HDAC4: variants seen among roughly 807,000 people sequenced by gnomAD.
HDAC4 encodes the protein histone deacetylase A.
In HDAC4, 16 loss-of-function variants were observed where a neutral mutation model predicts 135.1. The ratio of observed to expected loss-of-function variants is 0.12; its 90% CI spans 0.08 to 0.18. HDAC4 has a LOEUF of 0.18. Among genes scored for constraint, HDAC4 ranks in the 10% least tolerant of loss-of-function variants. HDAC4 has a pLI of 1.00. For missense variants in HDAC4, 1,143 were observed against 1,511.8 expected (o/e 0.76, Z 4.05); for synonymous variants, 685 against 653.4 (o/e 1.05, Z -0.74).
chr2:239,213,011 AC>A (rs748964824), intron 3 of HDAC4, among the ~76,000 whole-genome samples: 6 of 152,174 alleles, frequency 3.9e-5, no homozygotes, highest in Non-Finnish European at 7.4e-5. Flanking sequence ...CAGTCTGTTG[AC>A]TTGTTCACTT....
intron 8 of HDAC4, among the ~76,000 whole-genome samples, chr2:239,143,730 G>A (rs971760183): frequency 3.9e-5 from 6 of 152,230 alleles, no homozygotes; most frequent in Admixed American, 2.6e-4. Context: ...TCGCACACAC[G>A]GGGCATGGCA....
intron 20 of HDAC4, among the ~76,000 whole-genome samples, chr2:239,083,265 A>G (rs28404128): frequency 0.55 from 83,962 of 152,112 alleles, 23,372 homozygotes; most frequent in Admixed American, 0.6. Context: ...GTCTTTAGCC[A>G]TCAGCGACCT....
chr2:239,193,124 G>A (rs1440850662), intron 3 of HDAC4, among the ~76,000 whole-genome samples: 1 of 152,128 alleles, frequency 6.6e-6, no homozygotes, highest in Non-Finnish European at 1.5e-5. Flanking sequence ...CTGTGTGGGG[G>A]GCCTGGGTGG....
At chr2:239,290,232 C>T (rs1177354213) in intron 2 of HDAC4, among the ~76,000 whole-genome samples, 2 of 152,078 alleles carry the variant, frequency 1.3e-5, no homozygotes, top group Non-Finnish European at 2.9e-5. Context: ...TGTTATCAGA[C>T]TTTACTCTTA....
At chr2:239,278,901 C>A (rs1363894781) in intron 2 of HDAC4, among the ~76,000 whole-genome samples, 1 of 152,190 alleles carries the variant, frequency 6.6e-6, no homozygotes, top group East Asian at 1.9e-4. Context: ...GTAGTCCCAG[C>A]TACTCAGGAG....
chr2:239,328,698 G>A (rs1321868656), intron 2 of HDAC4, among the ~76,000 whole-genome samples: 7 of 152,210 alleles, frequency 4.6e-5, no homozygotes, highest in Admixed American at 3.9e-4. Context: ...GAACTGCCAG[G>A]CTCGGCACCT....
At chr2:239,212,406 G>C (rs769896303) in intron 3 of HDAC4, among the ~76,000 whole-genome samples, 1 of 152,028 alleles carries the variant, frequency 6.6e-6, no homozygotes, top group East Asian at 1.9e-4. Flanking sequence ...GAAGAAAAAA[G>C]GAAAAAAGAT....
chr2:239,329,501 C>T (rs1200960646), intron 2 of HDAC4, among the ~76,000 whole-genome samples: 9 of 152,056 alleles, frequency 5.9e-5, no homozygotes. Flanking sequence ...CACCCCTCCT[C>T]CCACCGGGAC....
Position 239,068,075 on chromosome 2 carries a change from T to A in HDAC4, c.2869+414A>T, listed in dbSNP as rs928696750. On this transcript the variant is annotated intron_variant, in intron 23 of 26. Coordinates refer to ENST00000543185, the MANE Select transcript of HDAC4 (RefSeq NM_001378414.1). This position sits in a 1 kb window ranked among gnomAD's most constrained non-coding sequence, Gnocchi z 4.4. ...GACACACACATCCTGGGCTCCCTCA[T>A]CCAACTCTGAACTCAACTGTGCCCC... Among the ~76,000 whole-genome samples, 4 of 152,132 alleles carry A rather than the reference T, an allele frequency of 2.6e-5. No homozygotes were observed. Among genetic ancestry groups the A allele is most frequent in the East Asian group, 1.9e-4 (1 of 5,186 alleles).
intron 3 of HDAC4, among the ~76,000 whole-genome samples, chr2:239,202,736 C>A (rs548676649): frequency 6.6e-6 from 1 of 152,094 alleles, no homozygotes; most frequent in African/African-American, 2.4e-5. Context: ...GAGCTGTACC[C>A]CCTGACCTCA....
At chr2:239,250,007 G>T (rs1017895679) in intron 2 of HDAC4, among the ~76,000 whole-genome samples, 5 of 152,232 alleles carry the variant, frequency 3.3e-5, no homozygotes, top group African/African-American at 9.6e-5. Context: ...CCCGCCTCTG[G>T]AAGGAGGCCG....
intron 3 of HDAC4, among the ~76,000 whole-genome samples, chr2:239,210,612 G>C (rs1036235623): frequency 5.9e-5 from 9 of 152,176 alleles, no homozygotes; most frequent in African/African-American, 1.9e-4. Context: ...CCAGCACAGG[G>C]AAATGTCTTG....
chr2:239,116,980 C>A (rs1162556251), intron 12 of HDAC4, among the ~76,000 whole-genome samples: 1 of 152,238 alleles, frequency 6.6e-6, no homozygotes, highest in Non-Finnish European at 1.5e-5. Flanking sequence ...ATTCATGTAT[C>A]CATCTTTCCT....
chr2:239,118,552 AG>A (rs1160952529), intron 12 of HDAC4, among the ~76,000 whole-genome samples: 1 of 152,202 alleles, frequency 6.6e-6, no homozygotes, highest in Non-Finnish European at 1.5e-5. Flanking sequence ...GAGAGGAATA[AG>A]TTCCGGGACC....
At chr2:239,328,499 T>C (rs532663815) in intron 2 of HDAC4, among the ~76,000 whole-genome samples, 16 of 152,264 alleles carry the variant, frequency 1.1e-4, no homozygotes, top group South Asian at 4.1e-4. Context: ...TGTGCAAGCC[T>C]CACACACAGG....
intron 1 of HDAC4, among the ~76,000 whole-genome samples, chr2:239,386,235 G>T (rs1695800222): frequency 6.6e-6 from 1 of 152,082 alleles, no homozygotes; most frequent in South Asian, 2.1e-4. Flanking sequence ...GCTGGGGCTG[G>T]GGCGGCCGCA....
Position 239,079,736 on chromosome 2 carries a change from A to C in HDAC4, c.2750+1359T>G, listed in dbSNP as rs551334888. 1.5e-3 allele frequency among the ~76,000 whole-genome samples: 235 copies of C among 152,260 alleles called. 1 individual carries two copies. Among genetic ancestry groups the C allele is most frequent in the African/African-American group, 5.3e-3 (220 of 41,560 alleles). On this transcript the variant is annotated intron_variant, in intron 22 of 26. Transcript: ENST00000543185. ...CACAAGCACACGTGTGTGTACTCAT[A>C]TACAGATGTGCACACACACACAGAG...
intron 1 of HDAC4, among the ~76,000 whole-genome samples, chr2:239,396,985 T>C (rs113272146): frequency 5.3e-5 from 8 of 152,360 alleles, no homozygotes; most frequent in African/African-American, 1.9e-4. Context: ...AGTTCTGCAG[T>C]CCCACACGTG....
At position 239,129,074 on chromosome 2, in the gene HDAC4, T is replaced by C. The variant is rs56710067; in HGVS notation, c.1295-2380A>G. ...CAGAACTGGTGTGAGCAGAGACCCC[T>C]GTGCAGACCGGCCCTGTTCCTTTTC... is the stretch of plus-strand genomic sequence containing the variant. On this transcript the variant is annotated intron_variant, in intron 11 of 26. Coordinates refer to ENST00000543185, the MANE Select transcript of HDAC4 (RefSeq NM_001378414.1). Among the ~76,000 whole-genome samples, 509 of 152,298 alleles carry C rather than the reference T, an allele frequency of 3.3e-3. 2 individuals carry two copies. Among genetic ancestry groups the C allele is most frequent in the African/African-American group, 0.012 (491 of 41,562 alleles).
Sources: gnomAD v4.1 joint callset for allele counts (sites outside exome capture counted in the v4.1 genomes callset) on GRCh38, gnomAD v4.1.1 for gene constraint, Gnocchi (gnomAD v3.1) non-coding constraint, MANE v1.5 for transcripts, NCBI Gene and HGNC (gene_info 2026-07-23, HGNC 2026-07-21) for gene names.